ROBO2: variants seen among roughly 807,000 people sequenced by gnomAD.
ROBO2 encodes the protein roundabout guidance receptor 2.
In ROBO2, 53 loss-of-function variants were observed where a neutral mutation model predicts 160.8. The ratio of observed to expected loss-of-function variants is 0.33; its 90% CI spans 0.26 to 0.41. ROBO2 has a LOEUF of 0.41. Ranked by LOEUF, ROBO2 falls within the 10% of genes least tolerant of loss-of-function variation. The pLI, the probability that ROBO2 is intolerant of heterozygous loss-of-function variation, is 1.00. For synonymous variants in ROBO2, 664 were observed against 611.7 expected (o/e 1.09, Z -1.26); for missense variants, 1,577 against 1,722.4 (o/e 0.92, Z 1.49).
chr3:76,630,303 T>C (rs761490604), intron 2 of ROBO2, among the ~76,000 whole-genome samples: 7 of 152,168 alleles, frequency 4.6e-5, no homozygotes, highest in Non-Finnish European at 1.0e-4. Flanking sequence ...CTGTCCAGGG[T>C]TGGTTCCTGC....
Position 76,897,391 on chromosome 3 carries a change from T to C in ROBO2, c.110-200623T>C, listed in dbSNP as rs1375431197. On this transcript the variant is annotated intron_variant, in intron 2 of 26. Transcript: ENST00000487694. ...TAATTTTTATGAGGCCTGGAAATTC[T>C]ATCCATGAAAATGTTTAAGACACAG... 2.0e-5 allele frequency among the ~76,000 whole-genome samples: 3 copies of C among 152,250 alleles called. No individual in the cohort carries two copies. In the South Asian group the frequency reaches 6.2e-4, roughly 32 times the overall value.
intron 2 of ROBO2, among the ~76,000 whole-genome samples, chr3:76,705,280 C>T (rs1033761137): frequency 2.0e-5 from 3 of 152,116 alleles, no homozygotes; most frequent in East Asian, 1.9e-4. Context: ...TCCCAGTTGC[C>T]TAGAGTAATA....
intron 2 of ROBO2, among the ~76,000 whole-genome samples, chr3:77,378,906 A>C (rs537902060): frequency 6.6e-6 from 1 of 151,266 alleles, no homozygotes; most frequent in Non-Finnish European, 1.5e-5. Context: ...ATGCGTAACA[A>C]GTCAAGATTA....
intron 2 of ROBO2, among the ~76,000 whole-genome samples, chr3:76,489,993 G>T (rs1330527599): frequency 6.6e-6 from 1 of 152,022 alleles, no homozygotes; most frequent in East Asian, 1.9e-4. Context: ...TGTATTATTT[G>T]CTCTGCTCAT....
rs940259673 is a variant in ROBO2 at position 77,314,365 on chromosome 3, T to C, written c.389-163049T>C. On this transcript the variant is annotated intron_variant, in intron 2 of 25. Transcript: ENST00000461745. ...TTTAAGTATTGACTTTTTAAAGAAT[T>C]GCATCCAGCATTTGGCCTTATTCTT... is the stretch of plus-strand genomic sequence containing the variant. 4.6e-5 allele frequency among the ~76,000 whole-genome samples: 7 copies of C among 152,228 alleles called. No homozygotes were observed. In the East Asian group the frequency reaches 9.6e-4, roughly 21 times the overall value.
At chr3:77,030,386 A>G (rs1364241646) in intron 2 of ROBO2, among the ~76,000 whole-genome samples, 2 of 152,208 alleles carry the variant, frequency 1.3e-5, no homozygotes, top group East Asian at 3.9e-4. Flanking sequence ...ACAGGATTAA[A>G]ATGCATATTA....
chr3:76,988,196 A>G (rs2149358435), intron 2 of ROBO2, among the ~76,000 whole-genome samples: 1 of 152,310 alleles, frequency 6.6e-6, no homozygotes, highest in African/African-American at 2.4e-5. Context: ...CCCTAAAGGT[A>G]AGGCTTTTTT....
intron 2 of ROBO2, among the ~76,000 whole-genome samples, chr3:76,413,629 A>G (rs184845363): frequency 7.7e-4 from 117 of 152,268 alleles, no homozygotes; most frequent in African/African-American, 1.9e-3. Context: ...CCTTCACTCC[A>G]GTTCTCAGCA....
intron 5 of ROBO2, among the ~76,000 whole-genome samples, chr3:77,507,629 A>C (rs756921008): frequency 6.6e-6 from 1 of 152,186 alleles, no homozygotes; most frequent in Non-Finnish European, 1.5e-5. Context: ...TATGAGCTAT[A>C]TCTACTTTTC....
At position 76,775,669 on chromosome 3, in the gene ROBO2, CT is replaced by C. The variant is rs535024693; in HGVS notation, c.110-322341del. Reference sequence around the variant, plus strand: ...TTAATTCTGTCCATAGCATTAACATCTTTTCAGAAGGAAATATGAATGAAAA... The same window carrying C: ...TTAATTCTGTCCATAGCATTAACATCTTTCAGAAGGAAATATGAATGAAAA... On this transcript the variant is annotated intron_variant, in intron 2 of 26. Transcript: ENST00000487694. Among the ~76,000 whole-genome samples the C allele has an allele frequency of 8.6e-3, 1,289 of 150,756 alleles. 11 individuals carry two copies. Among genetic ancestry groups the C allele is most frequent in the African/African-American group, 0.03 (1,229 of 41,356 alleles).
chr3:77,335,269 C>T (rs572804052), intron 2 of ROBO2, among the ~76,000 whole-genome samples: 7 of 152,096 alleles, frequency 4.6e-5, no homozygotes, highest in South Asian at 4.2e-4. Flanking sequence ...TAGCCGGGCA[C>T]GCTGATGCAT....
chr3:77,579,830 C>A, intron 15 of ROBO2, 117 bp from the exon 17 acceptor site: 2 of 956,778 alleles, frequency 2.1e-6, no homozygotes, highest in South Asian at 1.5e-5. Flanking sequence ...TGCAAAACTT[C>A]TATAAGCCTA....
intron 15 of ROBO2, among the ~76,000 whole-genome samples, chr3:77,577,904 A>T (rs1004797048): frequency 2.0e-5 from 3 of 152,110 alleles, no homozygotes; most frequent in Non-Finnish European, 4.4e-5. Context: ...GACACAGGGT[A>T]GGTTGTGAAG....
chr3:77,465,943 A>G (rs536762170), intron 2 of ROBO2, among the ~76,000 whole-genome samples: 1 of 152,154 alleles, frequency 6.6e-6, no homozygotes, highest in Non-Finnish European at 1.5e-5. Flanking sequence ...GTACTTGGAT[A>G]TGCTCCTTGC....
At chr3:76,808,617 T>A (rs2064924007) in intron 2 of ROBO2, among the ~76,000 whole-genome samples, 1 of 152,048 alleles carries the variant, frequency 6.6e-6, no homozygotes, top group Admixed American at 6.6e-5. Flanking sequence ...TCAGAATGAT[T>A]AAAAAATGGG....
At chr3:76,726,410 C>A (rs2093554377) in intron 2 of ROBO2, among the ~76,000 whole-genome samples, 1 of 152,160 alleles carries the variant, frequency 6.6e-6, no homozygotes, top group Admixed American at 6.5e-5. Context: ...TTGCTTACTG[C>A]AATTTTTCTC....
intron 2 of ROBO2, among the ~76,000 whole-genome samples, chr3:76,857,089 G>C (rs376707290): frequency 6.6e-6 from 1 of 152,000 alleles, no homozygotes; most frequent in African/African-American, 2.4e-5. Context: ...GGGTTCAAGC[G>C]ATTCTCGTGC....
chr3:76,284,621 C>A, intron 2 of ROBO2, among the ~76,000 whole-genome samples: 1 of 152,058 alleles, frequency 6.6e-6, no homozygotes, highest in East Asian at 1.9e-4. Flanking sequence ...TTTTCAATTG[C>A]TTTCTCAAAA....
intron 2 of ROBO2, among the ~76,000 whole-genome samples, chr3:76,321,500 AAACAACAAC>A (rs78497819): frequency 5.3e-5 from 8 of 150,314 alleles, no homozygotes; most frequent in Admixed American, 6.6e-5. Flanking sequence ...CCATCTCAAA[AAACAACAAC>A]AACAACAACA....
Sources: allele counts gnomAD v4.1 joint callset (sites outside exome capture counted in the v4.1 genomes callset), GRCh38; gene constraint gnomAD v4.1.1; transcripts MANE v1.5; gene names NCBI Gene and HGNC (gene_info 2026-07-23, HGNC 2026-07-21).